The following CNTN5 variants were observed in gnomAD, a reference collection of about 807,000 sequenced individuals.
CNTN5 encodes the protein contactin 5, also known as contactin-5.
A neutral mutation model predicts 129.1 loss-of-function variants in CNTN5; 77 were observed. That is an observed-to-expected ratio of 0.60 (90% CI 0.50 to 0.72). The LOEUF (loss-of-function observed/expected upper bound fraction) is 0.72. Ranked by LOEUF, CNTN5 falls within the 30% of genes least tolerant of loss-of-function variation. The pLI, the probability that CNTN5 is intolerant of heterozygous loss-of-function variation, is 0.00. For missense variants in CNTN5, 1,478 were observed against 1,328.8 expected (o/e 1.11, Z -1.75); for synonymous variants, 509 against 465.6 (o/e 1.09, Z -1.20).
At chr11:99,574,045 TCACTCCCTATACCCCC>T (rs1949265920) in intron 3 of CNTN5, among the ~76,000 whole-genome samples, 1 of 152,112 alleles carries the variant, frequency 6.6e-6, no homozygotes, top group African/African-American at 2.4e-5. Flanking sequence ...CCTAATGCTA[TCACTCCCTATACCCCC>T]CACTCCCCGA....
chr11:100,040,518 C>G (rs868819650), intron 9 of CNTN5, among the ~76,000 whole-genome samples: 5 of 152,328 alleles, frequency 3.3e-5, no homozygotes, highest in Middle Eastern at 3.4e-3. Flanking sequence ...ACATTTAAGT[C>G]TGCAGAGGTT....
chr11:99,583,069 T>C (rs1949667998), intron 3 of CNTN5, among the ~76,000 whole-genome samples: 1 of 152,246 alleles, frequency 6.6e-6, no homozygotes, highest in East Asian at 1.9e-4. Flanking sequence ...TCAGGTCTGT[T>C]GGAGTTTACT....
At chr11:99,624,826 C>G (rs1951072947) in intron 3 of CNTN5, among the ~76,000 whole-genome samples, 1 of 152,106 alleles carries the variant, frequency 6.6e-6, no homozygotes, top group African/African-American at 2.4e-5. Context: ...ATTGCTTCTG[C>G]AAATACAGGC....
chr11:100,211,310 C>A (rs1373463906), intron 15 of CNTN5, among the ~76,000 whole-genome samples: 1 of 152,080 alleles, frequency 6.6e-6, no homozygotes, highest in Non-Finnish European at 1.5e-5. Flanking sequence ...TAGTTAATAG[C>A]AGGACAACAT....
intron 13 of CNTN5, among the ~76,000 whole-genome samples, chr11:100,159,302 T>G (rs1353875375): frequency 2.0e-5 from 3 of 151,918 alleles, no homozygotes; most frequent in Non-Finnish European, 4.4e-5. Context: ...CTCCTCACCT[T>G]CATAATGATT....
chr11:99,413,936 A>G (rs1157941225), intron 2 of CNTN5, among the ~76,000 whole-genome samples: 1 of 152,218 alleles, frequency 6.6e-6, no homozygotes, highest in African/African-American at 2.4e-5. Context: ...ATGTCAACAC[A>G]TCTTTCACAA....
At chr11:100,193,776 C>A in intron 15 of CNTN5, 113 bp downstream of exon 15, 2 of 800,712 alleles carry the variant, frequency 2.5e-6, no homozygotes, top group Non-Finnish European at 3.9e-6. Flanking sequence ...AGAACATCGA[C>A]TTGATAAAAA....
chr11:99,773,811 G>A (rs1945026882), intron 3 of CNTN5, among the ~76,000 whole-genome samples: 1 of 152,130 alleles, frequency 6.6e-6, no homozygotes, highest in South Asian at 2.1e-4. Context: ...AAGTTCATGA[G>A]CGTGACACAC....
chr11:99,894,102 T>C (rs1044913301), intron 6 of CNTN5, among the ~76,000 whole-genome samples: 2 of 152,128 alleles, frequency 1.3e-5, no homozygotes, highest in Non-Finnish European at 2.9e-5. Context: ...GCTGTTGCTA[T>C]AGTGACTGCT....
intron 1 of CNTN5, among the ~76,000 whole-genome samples, chr11:99,312,018 T>C (rs1311859751): frequency 6.6e-6 from 1 of 152,176 alleles, no homozygotes; most frequent in Non-Finnish European, 1.5e-5. Flanking sequence ...CTACTGCTGG[T>C]TAGCCAGGAG....
chr11:99,793,199 A>G (rs1481766740), intron 3 of CNTN5, among the ~76,000 whole-genome samples: 4 of 152,076 alleles, frequency 2.6e-5, no homozygotes, highest in African/African-American at 7.2e-5. Flanking sequence ...AGCTGGGGCT[A>G]CAGGCACCTG....
At chr11:100,342,419 C>G (rs142242981) in intron 23 of CNTN5, among the ~76,000 whole-genome samples, 2 of 152,200 alleles carry the variant, frequency 1.3e-5, no homozygotes, top group African/African-American at 4.8e-5. Context: ...TGAACAATAT[C>G]CCAAACTGGA....
intron 2 of CNTN5, among the ~76,000 whole-genome samples, chr11:99,357,189 G>A (rs537836778): frequency 2.6e-5 from 4 of 151,874 alleles, no homozygotes; most frequent in South Asian, 2.1e-4. Flanking sequence ...ACAGATATGC[G>A]CTTTTAAATT....
chr11:99,387,419 A>T (rs11219734), intron 2 of CNTN5, among the ~76,000 whole-genome samples: 34,948 of 152,162 alleles, frequency 0.23, 4,795 homozygotes, highest in Middle Eastern at 0.32. Context: ...AGTTAAATAG[A>T]TGATAATTCC....
chr11:99,819,302 TCCCTCCCCTCTCCTCCCCTCCC>T (rs1946696800), intron 3 of CNTN5, among the ~76,000 whole-genome samples: 3 of 4,790 alleles, frequency 6.3e-4, no homozygotes, highest in African/African-American at 9.0e-4. Flanking sequence ...CTCCTCCCCT[TCCCTCCCCTCTCCTCCCCTCCC>T]CTCCCCTCCC....
At chr11:99,365,950 T>C (rs1939418566) in intron 2 of CNTN5, among the ~76,000 whole-genome samples, 1 of 152,154 alleles carries the variant, frequency 6.6e-6, no homozygotes, top group Non-Finnish European at 1.5e-5. Flanking sequence ...TTAGAAATTA[T>C]TTTCTTTCAG....
chr11:99,389,829 G>T (rs1323193600), intron 2 of CNTN5, among the ~76,000 whole-genome samples: 3 of 152,140 alleles, frequency 2.0e-5, no homozygotes, highest in Non-Finnish European at 4.4e-5. Flanking sequence ...GTTTCATTTA[G>T]TTATTTCTTA....
chr11:99,780,033 C>G (rs1031095036), intron 3 of CNTN5, among the ~76,000 whole-genome samples: 16 of 151,934 alleles, frequency 1.1e-4, no homozygotes, highest in Admixed American at 7.2e-4. Context: ...TGTTGTTGTT[C>G]AGCATAGAAG....
intron 3 of CNTN5, among the ~76,000 whole-genome samples, chr11:99,803,663 A>G (rs1439950636): frequency 1.3e-5 from 2 of 152,186 alleles, no homozygotes; most frequent in African/African-American, 4.8e-5. Context: ...TAGCTCTCTA[A>G]GTTAGCCCCA....
Sources: gnomAD v4.1 joint callset for allele counts (sites outside exome capture counted in the v4.1 genomes callset) on GRCh38, gnomAD v4.1.1 for gene constraint, MANE v1.5 for transcripts, NCBI Gene and HGNC (gene_info 2026-07-23, HGNC 2026-07-21) for gene names.